Variants in ESYT3 observed in about 807,000 individuals in gnomAD.
ESYT3 encodes extended synaptotagmin-3.
In ESYT3, 101 loss-of-function variants were observed where a neutral mutation model predicts 111.5. The ratio of observed to expected loss-of-function variants is 0.91; its 90% CI spans 0.77 to 1.07. The LOEUF is 1.07. Among genes scored for constraint, ESYT3 ranks in the 50% least tolerant of loss-of-function variants. The pLI is 0.00. For missense variants in ESYT3, 1,097 were observed against 1,109.4 expected, an observed-to-expected ratio of 0.99 and a Z score of 0.16; for synonymous variants, 416 against 446.8, an observed-to-expected ratio of 0.93 and a Z score of 0.87.
intron 1 of ESYT3, among the ~76,000 whole-genome samples, chr3:138,451,355 C>T (rs996830077): frequency 2.0e-5 from 3 of 152,200 alleles, no homozygotes; most frequent in Non-Finnish European, 4.4e-5. Context: ...CCCCACAGCA[C>T]CCCACTCCTT....
In ESYT3 at chr3:138,459,243, A is replaced by AC. The variant is rs1158175063; in HGVS notation, c.639dup (p.Gly214ArgfsTer53). 6.4e-7 allele frequency: 1 copy of AC among 1,559,674 alleles called. No individual in the cohort carries two copies. Among genetic ancestry groups the AC allele is most frequent in the Admixed American group, 1.7e-5 (1 of 57,620 alleles). On this transcript the variant is annotated frameshift_variant, in exon 5 of 23. Coordinates refer to ENST00000389567, the MANE Select transcript of ESYT3 (RefSeq NM_031913.5). LOFTEE classifies it high-confidence loss of function. The stretch of plus-strand genomic sequence containing the variant: ...CTGCAGAAGATTCAGGCTGGTGTGA[A>AC]CGGGATCCAGGTGGGTGGAGCCCGG...
chr3:138,435,127 T>C lies in ESYT3; in HGVS notation c.327+2T>C. 1 of 1,575,388 alleles carries C rather than the reference T, an allele frequency of 6.3e-7. No homozygotes were observed. On this transcript the variant is annotated splice_donor_variant, in intron 1 of 22. Coordinates refer to ENST00000389567, the MANE Select transcript of ESYT3 (RefSeq NM_031913.5). LOFTEE classifies it high-confidence loss of function. This position sits in a 1 kb window ranked among gnomAD's most constrained non-coding sequence, Gnocchi z 4.8. ...CGGGGCCAGCACCTGCCAGCCTGGG[T>C]GAGCCAAGCCGGGTGGGAGTGGGAG...
intron 2 of ESYT3, among the ~76,000 whole-genome samples, chr3:138,454,188 A>G (rs1349854779): frequency 6.6e-6 from 1 of 152,194 alleles, no homozygotes; most frequent in Non-Finnish European, 1.5e-5. Flanking sequence ...TTGAGGCTGC[A>G]GTGAGCTGTA....
At chr3:138,462,378 G>A in intron 8 of ESYT3, 172 bp downstream of exon 8, 1 of 886,920 alleles carries the variant, frequency 1.1e-6, no homozygotes, top group Non-Finnish European at 1.7e-6. Context: ...TTTGTCCTTG[G>A]GGTGTATCCC....
chr3:138,452,886 G>A (rs373331527), intron 2 of ESYT3, among the ~76,000 whole-genome samples: 20 of 152,248 alleles, frequency 1.3e-4, no homozygotes, highest in South Asian at 4.1e-4. Flanking sequence ...CAAGATTGCT[G>A]TTTTCACATT....
At chr3:138,441,544 G>A (rs1007967155) in intron 1 of ESYT3, among the ~76,000 whole-genome samples, 1 of 152,148 alleles carries the variant, frequency 6.6e-6, no homozygotes, top group African/African-American at 2.4e-5. Flanking sequence ...TGGGAGGTAT[G>A]AGCTGCCCCC....
intron 8 of ESYT3, 135 bp downstream of exon 8, chr3:138,462,341 C>T (rs572962942): frequency 2.5e-5 from 31 of 1,241,508 alleles, no homozygotes; most frequent in Admixed American, 1.3e-4. Context: ...CAAACACCAT[C>T]GCCCACGTCA....
chr3:138,459,120 TC>T, intron 4 of ESYT3, 66 bp from the exon 5 acceptor site: 1 of 1,357,686 alleles, frequency 7.4e-7, no homozygotes, highest in South Asian at 1.6e-5. Flanking sequence ...TGGGCAAGTT[TC>T]CCAACCTTTC....
At chr3:138,476,044 A>C (rs2033465491) in intron 20 of ESYT3, among the ~76,000 whole-genome samples, 179 bp from the exon 21 acceptor site, 1 of 152,208 alleles carries the variant, frequency 6.6e-6, no homozygotes, top group Non-Finnish European at 1.5e-5. Flanking sequence ...TGTGAACAAC[A>C]CTGGACAGTG....
chr3:138,458,558 C>T (rs549384803), intron 4 of ESYT3, among the ~76,000 whole-genome samples: 1 of 152,374 alleles, frequency 6.6e-6, no homozygotes, highest in East Asian at 1.9e-4. Flanking sequence ...TGCTGGCTGC[C>T]CCTCTCCCTT....
At chr3:138,462,532 A>G in intron 8 of ESYT3, 1 of 470,060 alleles carries the variant, frequency 2.1e-6, no homozygotes, top group Non-Finnish European at 3.8e-6. Context: ...ACTTCCTTTT[A>G]CAATTATGTA....
chr3:138,474,192 T>A, intron 19 of ESYT3, 29 bp from the exon 20 acceptor site: 1 of 1,593,816 alleles, frequency 6.3e-7, no homozygotes, highest in Non-Finnish European at 8.5e-7. Flanking sequence ...CCTTTTTTTT[T>A]TTTCCTAATG....
chr3:138,476,673 A>G, intron 22 of ESYT3, 145 bp from the exon 23 acceptor site: 1 of 1,053,592 alleles, frequency 9.5e-7, no homozygotes, highest in South Asian at 1.4e-5. Flanking sequence ...TCTAGCCTTA[A>G]CCCTGAACCC....
Position 138,440,562 on chromosome 3 carries a change from G to T in ESYT3, c.327+5437G>T, listed in dbSNP as rs1014106544. Among the ~76,000 whole-genome samples, 1 of 152,204 alleles carries T rather than the reference G, an allele frequency of 6.6e-6. No homozygotes were observed. Among genetic ancestry groups the T allele is most frequent in the Non-Finnish European group, 1.5e-5 (1 of 68,040 alleles). ...CTGATTTTAAACATCAGGACTGGTT[G>T]GGTGCTGCTTGGAATTAGGGAGACT... On this transcript the variant is annotated intron_variant, in intron 1 of 22. Transcript: ENST00000389567. This position sits in a 1 kb window ranked among gnomAD's most constrained non-coding sequence, Gnocchi z 4.2.
At chr3:138,461,117 G>C (rs538908519) in intron 7 of ESYT3, among the ~76,000 whole-genome samples, 1 of 152,198 alleles carries the variant, frequency 6.6e-6, no homozygotes, top group South Asian at 2.1e-4. Flanking sequence ...CTCAGTAAAA[G>C]GGGAGCCTGG....
Position 138,455,268 on chromosome 3 carries a change from C to T in ESYT3, c.444C>T (p.Ile148=), listed in dbSNP as rs1265167433. Residue 148 remains isoleucine, a synonymous_variant, in exon 3 of 23, where the codon ATC becomes ATT. Coordinates refer to ENST00000389567, the MANE Select transcript of ESYT3 (RefSeq NM_031913.5). ...SKFREKLEPK[I]REKSIHLRTF... Reference sequence around the variant, plus strand: ...TCCGGGAGAAACTTGAGCCCAAGATCCGAGAGAAGAGCATCCACCTGAGGA... The same window carrying T: ...TCCGGGAGAAACTTGAGCCCAAGATTCGAGAGAAGAGCATCCACCTGAGGA... The T allele has an allele frequency of 6.2e-7, 1 of 1,614,154 alleles. No homozygotes were observed. Among genetic ancestry groups the T allele is most frequent in the Non-Finnish European group, 8.5e-7 (1 of 1,180,034 alleles).
intron 2 of ESYT3, among the ~76,000 whole-genome samples, chr3:138,454,850 A>G (rs911085733): frequency 1.3e-5 from 2 of 152,222 alleles, no homozygotes; most frequent in African/African-American, 4.8e-5. Context: ...TTTTGTTTAA[A>G]CCACAGTGTA....
chr3:138,451,755 C>T (rs1033496711), intron 1 of ESYT3, among the ~76,000 whole-genome samples: 8 of 152,256 alleles, frequency 5.3e-5, no homozygotes, highest in East Asian at 1.9e-4. Context: ...GAAACGCCCA[C>T]GCGAGCCTTG....
At position 138,451,976 on chromosome 3, in the gene ESYT3, C is replaced by T. The variant is rs112460520; in HGVS notation, c.328-72C>T. The stretch of plus-strand genomic sequence containing the variant: ...CGCGTGGGCGGAATGGGAAGCCCGC[C>T]AGGCTGGCTTGCTTGGTTCCCAGCG... On this transcript the variant is annotated intron_variant, in intron 1 of 22. Coordinates refer to ENST00000389567, the MANE Select transcript of ESYT3 (RefSeq NM_031913.5). The T allele has an allele frequency of 1.7e-5, 26 of 1,564,286 alleles. 3 individuals carry two copies. Among genetic ancestry groups the T allele is most frequent in the African/African-American group, 1.6e-4 (12 of 73,944 alleles).
Sources: gnomAD v4.1 joint callset for allele counts (sites outside exome capture counted in the v4.1 genomes callset) on GRCh38, gnomAD v4.1.1 for gene constraint, Gnocchi (gnomAD v3.1) non-coding constraint, MANE v1.5 for transcripts, NCBI Gene and HGNC (gene_info 2026-07-23, HGNC 2026-07-21) for gene names.